Variants in DCDC2C observed in about 807,000 individuals in gnomAD.
DCDC2C encodes the protein doublecortin domain containing 2C.
A neutral mutation model predicts 45.0 loss-of-function variants in DCDC2C; 44 were observed. That is an observed-to-expected ratio of 0.98 (90% CI 0.77 to 1.26). The LOEUF is 1.26. Ranked by LOEUF, DCDC2C falls within the 50% of genes most tolerant of loss-of-function variation. The probability of loss-of-function intolerance (pLI) is 0.00; values close to 1 mark genes in which losing one functional copy is unlikely to be tolerated. For missense variants in DCDC2C, 447 were observed against 468.9 expected (o/e 0.95, Z 0.43); for synonymous variants, 187 against 178.8 (o/e 1.05, Z -0.37).
intron 8 of DCDC2C, among the ~76,000 whole-genome samples, chr2:3,770,645 C>T (rs1477617660): frequency 6.6e-6 from 1 of 152,224 alleles, no homozygotes; most frequent in African/African-American, 2.4e-5. Flanking sequence ...ACATTTTAGG[C>T]TGTTACTTGT....
intron 3 of DCDC2C, among the ~76,000 whole-genome samples, chr2:3,739,435 C>T (rs1300900322): frequency 6.6e-6 from 1 of 152,172 alleles, no homozygotes. Context: ...AAGCTTGAGA[C>T]CCTGGCAAGG....
chr2:3,703,897 A>G lies in DCDC2C; in HGVS notation c.146A>G (p.Gln49Arg), dbSNP rs1312273623. The G allele has an allele frequency of 3.0e-6, 4 of 1,328,420 alleles. No individual in the cohort carries two copies. Among genetic ancestry groups the G allele is most frequent in the Non-Finnish European group, 2.9e-6 (3 of 1,034,928 alleles). 82.3% of individuals were successfully genotyped at this position (1,328,420 alleles called of 1,614,324 possible). A position where few individuals can be genotyped will look rare whatever the true frequency, so the allele number is the denominator to read the frequency against. Residue 49 changes from glutamine to arginine, a missense_variant, in exon 1 of 11, where the codon CAG becomes CGG. Gln to Arg is a conservative substitution (Grantham distance 43). Coordinates refer to ENST00000399143, the MANE Select transcript of DCDC2C (RefSeq NM_001287444.2). This position sits in a 1 kb window ranked among gnomAD's most constrained non-coding sequence, Gnocchi z 4.4. Reference protein sequence around the residue: ...RAATFEALLEQLTEQVDVPFG... With the variant: ...RAATFEALLERLTEQVDVPFG... ...GCCACCTTCGAGGCGCTGCTGGAGCAGCTCACGGAGCAGGTGGACGTCCCG... is the reference window on the plus strand; with the variant it reads ...GCCACCTTCGAGGCGCTGCTGGAGCGGCTCACGGAGCAGGTGGACGTCCCG...
At chr2:3,756,004 G>A (rs894537497) in intron 6 of DCDC2C, among the ~76,000 whole-genome samples, 6 of 151,806 alleles carry the variant, frequency 4.0e-5, no homozygotes, top group East Asian at 1.9e-4. Flanking sequence ...AAACATTTGT[G>A]TGTGTAGATG....
chr2:3,747,099 C>T lies in DCDC2C; in HGVS notation c.545+5051C>T, dbSNP rs369183802. ...CCTGGTGGCTACATGCAGAGTTTTA[C>T]GATGTTCTAAGAGCTAATGATGAAT... On this transcript the variant is annotated intron_variant, in intron 4 of 10. Coordinates refer to ENST00000399143, the MANE Select transcript of DCDC2C (RefSeq NM_001287444.2). 5.9e-5 allele frequency among the ~76,000 whole-genome samples: 9 copies of T among 152,252 alleles called. No homozygotes were observed. In the East Asian group the frequency reaches 1.2e-3, roughly 20 times the overall value.
intron 4 of DCDC2C, among the ~76,000 whole-genome samples, chr2:3,745,714 A>G (rs1669341529): frequency 6.6e-6 from 1 of 152,060 alleles, no homozygotes; most frequent in South Asian, 2.1e-4. Context: ...TGTGTGGGTT[A>G]GAAACGAAGA....
chr2:3,727,955 G>A (rs956887765), intron 3 of DCDC2C, among the ~76,000 whole-genome samples: 2 of 152,170 alleles, frequency 1.3e-5, no homozygotes, highest in Non-Finnish European at 2.9e-5. Flanking sequence ...CTTTTATTGG[G>A]ATGTTCTAGC....
chr2:3,746,559 T>G (rs920099039), intron 4 of DCDC2C, among the ~76,000 whole-genome samples: 1 of 152,174 alleles, frequency 6.6e-6, no homozygotes, highest in South Asian at 2.1e-4. Flanking sequence ...GAGGCTAAAG[T>G]GGAATGATCT....
At chr2:3,735,652 A>G (rs2148094138) in intron 3 of DCDC2C, among the ~76,000 whole-genome samples, 1 of 152,216 alleles carries the variant, frequency 6.6e-6, no homozygotes, top group African/African-American at 2.4e-5. Context: ...AATATGGTTC[A>G]TTTTCCCAGG....
intron 10 of DCDC2C, among the ~76,000 whole-genome samples, chr2:3,815,377 G>A (rs1421640827): frequency 1.3e-5 from 2 of 152,184 alleles, no homozygotes; most frequent in East Asian, 1.9e-4. Context: ...AGTCAGTTCT[G>A]ATGAGAGAAC....
At position 3,703,645 on chromosome 2, in the gene DCDC2C, G is replaced by A. The variant is rs1667934387; in HGVS notation, c.-107G>A. The A allele has an allele frequency of 1.8e-6, 2 of 1,088,874 alleles. No homozygotes were observed. Among genetic ancestry groups the A allele is most frequent in the South Asian group, 4.6e-5 (1 of 21,702 alleles). 67.5% of individuals were successfully genotyped at this position (1,088,874 alleles called of 1,614,324 possible). A position where few individuals can be genotyped will look rare whatever the true frequency, so the allele number is the denominator to read the frequency against. The stretch of plus-strand genomic sequence containing the variant: ...TCCCCGTCCTGCGCCAGCGGCTGGA[G>A]CGGACCTCCCGTCGGCGGTGCCCGG... On this transcript the variant is annotated 5_prime_UTR_variant, in exon 1 of 11. Coordinates refer to ENST00000399143, the MANE Select transcript of DCDC2C (RefSeq NM_001287444.2). This position sits in a 1 kb window ranked among gnomAD's most constrained non-coding sequence, Gnocchi z 4.4.
intron 10 of DCDC2C, among the ~76,000 whole-genome samples, chr2:3,792,265 C>A (rs887572664): frequency 3.9e-5 from 6 of 152,204 alleles, no homozygotes; most frequent in African/African-American, 1.4e-4. Context: ...ACAGTCCCTG[C>A]TAGTTCAGCC....
chr2:3,762,666 A>G (rs1324522607), intron 6 of DCDC2C, among the ~76,000 whole-genome samples: 1 of 152,160 alleles, frequency 6.6e-6, no homozygotes, highest in Non-Finnish European at 1.5e-5. Context: ...GGACACATCA[A>G]GCTATCAGAG....
At chr2:3,817,633 G>A (rs1007677582) in intron 10 of DCDC2C, among the ~76,000 whole-genome samples, 5 of 152,218 alleles carry the variant, frequency 3.3e-5, no homozygotes, top group African/African-American at 1.2e-4. Context: ...GGCTAAAACA[G>A]TAAGGTTAAG....
intron 5 of DCDC2C, 117 bp from the exon 6 acceptor site, chr2:3,754,475 C>A: frequency 2.1e-6 from 2 of 952,052 alleles, no homozygotes; most frequent in African/African-American, 1.7e-5. Context: ...CCTCTGTGGA[C>A]AGCTTGCTCC....
chr2:3,844,823 G>C (rs1284093196), intron 10 of DCDC2C, among the ~76,000 whole-genome samples: 1 of 152,184 alleles, frequency 6.6e-6, no homozygotes, highest in African/African-American at 2.4e-5. Flanking sequence ...CGCTGGGGCC[G>C]ACCTTCCCTT....
chr2:3,760,097 A>G (rs2148138591), intron 6 of DCDC2C, among the ~76,000 whole-genome samples: 1 of 152,234 alleles, frequency 6.6e-6, no homozygotes, highest in Middle Eastern at 3.4e-3. Context: ...CTCTTCCTGG[A>G]TCTCTGTCAT....
At chr2:3,831,434 C>T (rs772546977) in intron 10 of DCDC2C, among the ~76,000 whole-genome samples, 3 of 152,262 alleles carry the variant, frequency 2.0e-5, no homozygotes, top group African/African-American at 7.2e-5. Flanking sequence ...AGTAAATGAC[C>T]GTACTGAATA....
At chr2:3,817,014 G>C (rs922500190) in intron 10 of DCDC2C, among the ~76,000 whole-genome samples, 2 of 152,222 alleles carry the variant, frequency 1.3e-5, no homozygotes, top group African/African-American at 4.8e-5. Flanking sequence ...AGGCTGGAAG[G>C]AGATATTTTC....
intron 10 of DCDC2C, among the ~76,000 whole-genome samples, chr2:3,808,850 A>G (rs1671321649): frequency 6.6e-6 from 1 of 152,080 alleles, no homozygotes; most frequent in Non-Finnish European, 1.5e-5. Context: ...AAGATTTTCT[A>G]CTGTTTTATT....
Sources: allele counts gnomAD v4.1 joint callset (sites outside exome capture counted in the v4.1 genomes callset), GRCh38; gene constraint gnomAD v4.1.1; non-coding constraint Gnocchi (gnomAD v3.1); transcripts MANE v1.5; gene names NCBI Gene and HGNC (gene_info 2026-07-23, HGNC 2026-07-21).